Variants in COL5A2 observed in about 807,000 individuals in gnomAD.
The protein encoded by COL5A2 is collagen alpha-2(V) chain.
In COL5A2, 23 loss-of-function variants were observed where a neutral mutation model predicts 208.2. The observed-to-expected ratio is 0.11, with a 90% CI of 0.08 to 0.16. The LOEUF (loss-of-function observed/expected upper bound fraction) is 0.16. COL5A2 is among the 10% of genes least tolerant of loss of function. The pLI is 1.00. For synonymous variants in COL5A2, 625 were observed against 628.5 expected (o/e 0.99, Z 0.08); for missense variants, 1,590 against 1,956.4 (o/e 0.81, Z 3.53).
At chr2:189,183,961 T>C (rs1688814963), upstream of COL5A2, among the ~76,000 whole-genome samples, 1 of 152,166 alleles carries the variant, frequency 6.6e-6, no homozygotes, top group Non-Finnish European at 1.5e-5. Flanking sequence ...TATTCCCTCA[T>C]TTAACAAATA....
At chr2:189,237,403 C>CAAA in the COL5A2 span, among the ~76,000 whole-genome samples, 2 of 148,772 alleles carry the variant, frequency 1.3e-5, no homozygotes, top group South Asian at 2.1e-4. Flanking sequence ...ACAATAACAG[C>CAAA]AAAAAAAAAG....
At chr2:189,327,189 T>C in the COL5A2 span, among the ~76,000 whole-genome samples, 1 of 152,118 alleles carries the variant, frequency 6.6e-6, no homozygotes, top group Non-Finnish European at 1.5e-5. Flanking sequence ...TTTCTTCTAG[T>C]CCTTATATAT....
At position 189,092,311 on chromosome 2, in the gene COL5A2, C is replaced by A; in HGVS notation, c.566G>T (p.Arg189Met). The A allele has an allele frequency of 6.3e-7, 1 of 1,597,714 alleles. No individual in the cohort carries two copies. The highest frequency in any genetic ancestry group is 8.6e-7 in the Non-Finnish European group (1 of 1,168,752). Reference protein sequence around the residue: ...PSHPGPDGLSRPFSAQMAGLD... With the variant: ...PSHPGPDGLSMPFSAQMAGLD... Reference sequence around the variant, plus strand: ...CATCAAACAATGCACACAACTCACCCTGCTCAAGCCATCGGGTCCTGGGTG... The same window carrying A: ...CATCAAACAATGCACACAACTCACCATGCTCAAGCCATCGGGTCCTGGGTG... The change falls in exon 7 of 54, where the codon AGG (arginine) becomes ATG (methionine). Residue 189 changes from arginine to methionine, a missense_variant and splice_region_variant. By Grantham distance (91) the Arg-to-Met change is moderately conservative. Coordinates refer to ENST00000374866, the MANE Select transcript of COL5A2 (RefSeq NM_000393.5).
Position 189,110,277 on chromosome 2 carries a change from C to T in COL5A2, c.270G>A (p.Gly90=), listed in dbSNP as rs756103588. ...TTTGTGAACAGACAGGACAGCATTCCCCAGGGGGCGTTACAGGGTCGGCAC... is the reference window on the plus strand; with the variant it reads ...TTTGTGAACAGACAGGACAGCATTCTCCAGGGGGCGTTACAGGGTCGGCAC... ...LDCADPVTPP[G]ECCPVCSQTP... is the part of the protein sequence containing the mutation. The change falls in exon 2 of 54, where the codon GGG becomes GGA. Residue 90 remains glycine, a synonymous_variant. Transcript: ENST00000374866. The T allele has an allele frequency of 1.9e-6, 3 of 1,614,062 alleles. No homozygotes were observed. Among genetic ancestry groups the T allele is most frequent in the Non-Finnish European group, 2.5e-6 (3 of 1,180,020 alleles).
At chr2:189,091,649 TA>T (rs564177434) in intron 7 of COL5A2, among the ~76,000 whole-genome samples, 2 of 152,314 alleles carry the variant, frequency 1.3e-5, no homozygotes, top group South Asian at 2.1e-4. Context: ...AACATAAGTT[TA>T]TATGCACTGG....
chr2:189,427,066 G>A, the COL5A2 span, among the ~76,000 whole-genome samples: 3 of 152,226 alleles, frequency 2.0e-5, no homozygotes, highest in Admixed American at 6.5e-5. Flanking sequence ...AGACCTCAAA[G>A]GCATTTCAGA....
chr2:189,297,741 G>A, the COL5A2 span, among the ~76,000 whole-genome samples: 1 of 152,124 alleles, frequency 6.6e-6, no homozygotes, highest in Admixed American at 6.5e-5. Context: ...CTGAAGTGAA[G>A]TAGAGGTGGC....
chr2:189,141,268 A>T (rs1687929329), intron 1 of COL5A2, among the ~76,000 whole-genome samples: 1 of 152,206 alleles, frequency 6.6e-6, no homozygotes. Context: ...CATTAATAAT[A>T]ATAATAAATA....
At chr2:189,063,802 T>C (rs1054061535) in intron 26 of COL5A2, among the ~76,000 whole-genome samples, 178 bp downstream of exon 26, 2 of 152,212 alleles carry the variant, frequency 1.3e-5, no homozygotes, top group African/African-American at 4.8e-5. Context: ...AAAAATTTGA[T>C]CTACATTTTT....
At chr2:189,107,077 T>C (rs2105705005) in intron 2 of COL5A2, among the ~76,000 whole-genome samples, 1 of 151,624 alleles carries the variant, frequency 6.6e-6, no homozygotes, top group Middle Eastern at 3.4e-3. Context: ...ACTTCCTTCA[T>C]AGTAAAACTT....
chr2:189,053,965 AGAT>A lies in COL5A2; in HGVS notation c.2446-20_2446-18del. 6.2e-7 allele frequency: 1 copy of A among 1,613,110 alleles called. No individual in the cohort carries two copies. The highest frequency in any genetic ancestry group is 8.5e-7 in the Non-Finnish European group (1 of 1,179,246). The stretch of plus-strand genomic sequence containing the variant: ...AGGTTCACCCTAGAAAGCAGATTTT[AGAT>A]GGTTACTGTCCAAAACAGTAGCTAA... On this transcript the variant is annotated intron_variant, in intron 36 of 53. Transcript: ENST00000374866.
At chr2:189,230,008 T>C (rs770172990), upstream of COL5A2, among the ~76,000 whole-genome samples, 3 of 151,750 alleles carry the variant, frequency 2.0e-5, no homozygotes, top group Non-Finnish European at 4.4e-5. Flanking sequence ...TGGACTAAAA[T>C]AGACAACCCC....
the COL5A2 span, among the ~76,000 whole-genome samples, chr2:189,324,630 C>T: frequency 1.3e-5 from 2 of 152,200 alleles, no homozygotes; most frequent in African/African-American, 4.8e-5. Context: ...TCATCTCACA[C>T]CAGTTAGAAT....
the COL5A2 span, chr2:189,311,219 T>A: frequency 7.6e-7 from 1 of 1,310,720 alleles, no homozygotes; most frequent in South Asian, 1.2e-5. Context: ...GAACTTTTTA[T>A]TGGCCTCCTG....
At chr2:189,347,997 A>G in the COL5A2 span, among the ~76,000 whole-genome samples, 2 of 152,182 alleles carry the variant, frequency 1.3e-5, no homozygotes, top group East Asian at 3.8e-4. Context: ...AACTGTTGCC[A>G]GCTTCAGTAG....
At chr2:189,344,399 A>T in the COL5A2 span, among the ~76,000 whole-genome samples, 2 of 152,168 alleles carry the variant, frequency 1.3e-5, no homozygotes, top group Admixed American at 1.3e-4. Flanking sequence ...GAATAGCAGC[A>T]TAAAAGCCTG....
At chr2:189,312,386 G>A in the COL5A2 span, among the ~76,000 whole-genome samples, 1 of 152,148 alleles carries the variant, frequency 6.6e-6, no homozygotes, top group Admixed American at 6.5e-5. Flanking sequence ...AGAAGCTGGT[G>A]GAGCGGGACA....
the COL5A2 span, among the ~76,000 whole-genome samples, chr2:189,300,806 G>A: frequency 6.6e-6 from 1 of 152,202 alleles, no homozygotes; most frequent in African/African-American, 2.4e-5. Context: ...GTGACTTTGT[G>A]GAAGTCAGAT....
chr2:189,113,911 T>G (rs1576535955), intron 1 of COL5A2, among the ~76,000 whole-genome samples: 1 of 152,020 alleles, frequency 6.6e-6, no homozygotes, highest in Non-Finnish European at 1.5e-5. Context: ...TCCTTTAGGG[T>G]TGGAATAAAA....
Sources: allele counts gnomAD v4.1 joint callset (sites outside exome capture counted in the v4.1 genomes callset), GRCh38; gene constraint gnomAD v4.1.1; transcripts MANE v1.5; gene names NCBI Gene and HGNC (gene_info 2026-07-23, HGNC 2026-07-21).